OXTR: variants seen among roughly 807,000 people sequenced by gnomAD.
OXTR encodes oxytocin receptor.
In OXTR, 19 loss-of-function variants were observed where a neutral mutation model predicts 23.9. The observed-to-expected ratio is 0.80, with a 90% CI of 0.56 to 1.17. The LOEUF (loss-of-function observed/expected upper bound fraction) is 1.17. Among genes scored for constraint, OXTR ranks in the 50% most tolerant of loss-of-function variants. The pLI is 0.00. For missense variants in OXTR, 500 were observed against 550.7 expected (o/e 0.91, Z 0.92); for synonymous variants, 278 against 250.5 (o/e 1.11, Z -1.04).
At chr3:8,758,913 G>A (rs777282902) in intron 3 of OXTR, among the ~76,000 whole-genome samples, 7 of 152,188 alleles carry the variant, frequency 4.6e-5, no homozygotes, top group Non-Finnish European at 8.8e-5. Context: ...CACGTGTAAA[G>A]GCAAACAGTG....
At chr3:8,755,266 A>G (rs1708348442) in intron 3 of OXTR, among the ~76,000 whole-genome samples, 1 of 152,160 alleles carries the variant, frequency 6.6e-6, no homozygotes, top group African/African-American at 2.4e-5. Flanking sequence ...ATAATGAAAG[A>G]GGCAAAAATC....
chr3:8,748,647 G>A (rs1402224572), downstream of OXTR, among the ~76,000 whole-genome samples: 3 of 152,232 alleles, frequency 2.0e-5, no homozygotes, highest in East Asian at 3.8e-4. Flanking sequence ...CTTATGATCA[G>A]CCATGTCATT....
chr3:8,742,463 G>T, the OXTR span: 1 of 456,342 alleles, frequency 2.2e-6, no homozygotes, highest in African/African-American at 2.0e-5. Flanking sequence ...ACTTACTACT[G>T]TAAGGAAAGG....
At chr3:8,754,743 C>T (rs1708340398) in intron 3 of OXTR, among the ~76,000 whole-genome samples, 1 of 152,208 alleles carries the variant, frequency 6.6e-6, no homozygotes, top group Non-Finnish European at 1.5e-5. Context: ...AATGCACATT[C>T]TCAGGCCCCA....
rs575053168 is a variant in OXTR, at chr3:8,764,665, G to C, written c.922+2601C>G. ...TTCTAACTGAGCTCACAGCCACTCT[G>C]ACCCCTGCATCCCCGAGGCCTAGGC... is the stretch of plus-strand genomic sequence containing the variant. On this transcript the variant is annotated intron_variant, in intron 3 of 3. Transcript: ENST00000316793. 3.3e-5 allele frequency among the ~76,000 whole-genome samples: 5 copies of C among 152,280 alleles called. No homozygotes were observed. The South Asian group carries it at 6.2e-4, about 19-fold the overall frequency.
Position 8,750,601 on chromosome 3 carries a change from A to G in OXTR, c.*2376T>C, listed in dbSNP as rs545506898. On this transcript the variant is annotated 3_prime_UTR_variant, in exon 4 of 4. Coordinates refer to ENST00000316793, the MANE Select transcript of OXTR (RefSeq NM_000916.4). ...ATATTCACTCTATATAGATTCGTCC[A>G]TTTTAGACATTGCATTTCAATGCAG... 6.6e-6 allele frequency: 1 copy of G among 152,268 alleles called. No homozygotes were observed. The allele number at this position is 152,268 out of a possible 1,614,324, so 9.4% of individuals were successfully genotyped here.
the OXTR span, chr3:8,742,670 G>T: frequency 2.9e-6 from 1 of 349,130 alleles, no homozygotes; most frequent in East Asian, 8.1e-5. Flanking sequence ...GCTAAGCACT[G>T]CTCAAGAGGT....
At chr3:8,746,410 T>C (rs13093809), downstream of OXTR, 15,573 of 153,622 alleles carry the variant, frequency 0.1, 1,056 homozygotes, top group Non-Finnish European at 0.16. Flanking sequence ...CAAATGTAAG[T>C]GAAGAACAGA....
downstream of OXTR, chr3:8,745,811 G>A (rs773309037): frequency 1.2e-5 from 20 of 1,613,666 alleles, no homozygotes; most frequent in Admixed American, 6.7e-5. The surrounding 1 kb of genome is among the most constrained non-coding windows in gnomAD (Gnocchi z 4.8). Context: ...CCCACTCTTC[G>A]CGGCCCTGGG....
At chr3:8,744,602 T>C in the OXTR span, among the ~76,000 whole-genome samples, 7,834 of 152,134 alleles carry the variant, frequency 0.051, 349 homozygotes, top group African/African-American at 0.12. Context: ...GGCTTAGTGA[T>C]GCTAAGTGAC....
Position 8,767,693 on chromosome 3 carries a change from C to G in OXTR, c.495G>C (p.Leu165=), listed in dbSNP as rs1035086952. ...LAVLATWLGC[L]VASAPQVHIF... ...TGTGCACCTGCGGCGCGCTGGCCAC[C>G]AGGCAGCCGAGCCACGTGGCGAGCA... is the stretch of plus-strand genomic sequence containing the variant. Residue 165 remains leucine (L), a synonymous_variant, in exon 3 of 4, where the codon CTG becomes CTC. Coordinates refer to ENST00000316793, the MANE Select transcript of OXTR (RefSeq NM_000916.4). The G allele has an allele frequency of 6.2e-7, 1 of 1,609,432 alleles. No homozygotes were observed. The highest frequency in any genetic ancestry group is 1.1e-5 in the South Asian group (1 of 90,692).
the OXTR span, among the ~76,000 whole-genome samples, chr3:8,744,557 G>A: frequency 3.3e-5 from 5 of 149,354 alleles, no homozygotes; most frequent in South Asian, 4.2e-4. Flanking sequence ...ACTGGAAGAC[G>A]TTCATTGACT....
chr3:8,763,040 A>C (rs997642075), intron 3 of OXTR, among the ~76,000 whole-genome samples: 1 of 152,170 alleles, frequency 6.6e-6, no homozygotes, highest in Admixed American at 6.5e-5. Context: ...CATCCCCTGG[A>C]GTTGTGCCAC....
intron 1 of OXTR, 23 bp downstream of exon 1, chr3:8,769,208 A>G (rs1025380025): frequency 1.3e-5 from 2 of 152,162 alleles, no homozygotes; most frequent in African/African-American, 4.8e-5. Flanking sequence ...CATCCCGTCC[A>G]CCCCTGCTTA....
At chr3:8,745,861 G>A (rs2124988852), downstream of OXTR, 2 of 1,610,372 alleles carry the variant, frequency 1.2e-6, no homozygotes, top group Non-Finnish European at 8.5e-7. The surrounding 1 kb of genome is among the most constrained non-coding windows in gnomAD (Gnocchi z 4.8). Flanking sequence ...TGCGGAAGGA[G>A]GTCTAAAGCC....
Position 8,753,056 on chromosome 3 carries a change from T to G in OXTR, c.1091A>C (p.Lys364Thr). ...GRRLGETSASKKSNSSSFVLS... is the reference protein window; with the variant it reads ...GRRLGETSASTKSNSSSFVLS... ...GACAAAGGAGGACGAGTTGCTCTTT[T>G]TGCTGGCACTCGTCTCTCCCAGGCG... Residue 364 changes from lysine to threonine, a missense_variant, in exon 4 of 4, where the codon AAA becomes ACA. By Grantham distance (78) the Lys-to-Thr change is moderately conservative. Transcript: ENST00000316793. 1 of 1,614,126 alleles carries G rather than the reference T, an allele frequency of 6.2e-7. No individual in the cohort carries two copies. The highest frequency in any genetic ancestry group is 8.5e-7 in the Non-Finnish European group (1 of 1,179,998).
chr3:8,762,209 T>G (rs1708502047), intron 3 of OXTR, among the ~76,000 whole-genome samples: 1 of 151,952 alleles, frequency 6.6e-6, no homozygotes, highest in South Asian at 2.1e-4. Flanking sequence ...CCTCTTCCCC[T>G]CCTCACCCCT....
At chr3:8,759,934 G>T (rs907332205) in intron 3 of OXTR, among the ~76,000 whole-genome samples, 26 of 152,152 alleles carry the variant, frequency 1.7e-4, no homozygotes, top group African/African-American at 6.0e-4. Flanking sequence ...CCAGCCTAGG[G>T]TACCTCTAAA....
At chr3:8,746,117 C>G, downstream of OXTR, 1 of 487,228 alleles carries the variant, frequency 2.1e-6, no homozygotes, top group Non-Finnish European at 3.7e-6. Flanking sequence ...GATCATTTGC[C>G]AAGAGGCAGC....
Sources: allele counts gnomAD v4.1 joint callset (sites outside exome capture counted in the v4.1 genomes callset), GRCh38; gene constraint gnomAD v4.1.1; non-coding constraint Gnocchi (gnomAD v3.1); transcripts MANE v1.5; gene names NCBI Gene and HGNC (gene_info 2026-07-23, HGNC 2026-07-21).